EFCAB11: variants seen among roughly 807,000 people sequenced by gnomAD.
The protein encoded by EFCAB11 is EF-hand calcium-binding domain-containing protein 11.
A neutral mutation model predicts 23.0 loss-of-function variants in EFCAB11; 14 were observed. The ratio of observed to expected loss-of-function variants is 0.61; its 90% CI spans 0.40 to 0.95. EFCAB11 has a LOEUF of 0.95. EFCAB11 is among the 40% of genes least tolerant of loss of function. The pLI is 0.00. For missense variants in EFCAB11, 198 were observed against 195.8 expected (o/e 1.01, Z -0.07); for synonymous variants, 65 against 66.6 (o/e 0.98, Z 0.11).
chr14:89,917,119 A>C (rs990556450), intron 5 of EFCAB11, among the ~76,000 whole-genome samples: 18 of 149,110 alleles, frequency 1.2e-4, no homozygotes, highest in Admixed American at 1.1e-3. Context: ...GAAAACACTT[A>C]AGATCTGCTC....
intron 5 of EFCAB11, among the ~76,000 whole-genome samples, chr14:89,886,553 A>T (rs1888790338): frequency 6.9e-6 from 1 of 144,828 alleles, no homozygotes; most frequent in Non-Finnish European, 1.5e-5. Flanking sequence ...AAGGAAAGTG[A>T]TCTGCTTTAC....
At chr14:89,896,770 A>G (rs1203029662) in intron 5 of EFCAB11, among the ~76,000 whole-genome samples, 1 of 152,176 alleles carries the variant, frequency 6.6e-6, no homozygotes, top group Admixed American at 6.5e-5. Context: ...AGCTCACTGA[A>G]GCCTCAAACT....
intron 3 of EFCAB11, among the ~76,000 whole-genome samples, chr14:89,944,437 A>G (rs944278018): frequency 6.6e-6 from 1 of 152,244 alleles, no homozygotes; most frequent in Non-Finnish European, 1.5e-5. Flanking sequence ...CAGCCAATCC[A>G]TATCAGTAAC....
intron 5 of EFCAB11, among the ~76,000 whole-genome samples, chr14:89,912,162 A>C (rs1229939008): frequency 6.6e-6 from 1 of 152,212 alleles, no homozygotes; most frequent in East Asian, 1.9e-4. Flanking sequence ...TAGACTATGA[A>C]CTATGTGGGT....
Position 89,850,322 on chromosome 14 carries a change from T to C in EFCAB11, c.411-52998A>G, listed in dbSNP as rs542135703. On this transcript the variant is annotated intron_variant, in intron 5 of 5. Transcript: ENST00000316738. Reference sequence around the variant, plus strand: ...TCCTACCTGCCTTACAGACACCATGTGTCTTCCTTACCTTGGCATTCCGAA... The same window carrying C: ...TCCTACCTGCCTTACAGACACCATGCGTCTTCCTTACCTTGGCATTCCGAA... 1.6e-4 allele frequency among the ~76,000 whole-genome samples: 24 copies of C among 152,372 alleles called. No homozygotes were observed. In the South Asian group the frequency reaches 4.1e-3, roughly 26 times the overall value.
rs1885533520 is a variant in EFCAB11 at position 89,795,093 on chromosome 14, T to TGGGACTA, written c.*2149_*2150insTAGTCCC. On this transcript the variant is annotated 3_prime_UTR_variant, in exon 6 of 6. Coordinates refer to ENST00000316738, the MANE Select transcript of EFCAB11 (RefSeq NM_145231.4). ...CCCAGGTTCATGCTATTCTCCTGCC[T>TGGGACTA]CAGCCTCCCGAGCAGCTGGGACTAC... 1.4e-5 allele frequency: 2 copies of TGGGACTA among 147,134 alleles called. No individual in the cohort carries two copies. Among genetic ancestry groups the TGGGACTA allele is most frequent in the Admixed American group, 1.4e-4 (2 of 14,386 alleles). 9.1% of individuals were successfully genotyped at this position (147,134 alleles called of 1,614,324 possible).
intron 5 of EFCAB11, among the ~76,000 whole-genome samples, chr14:89,825,719 TTC>T (rs1351123501): frequency 6.6e-6 from 1 of 152,120 alleles, no homozygotes; most frequent in African/African-American, 2.4e-5. Context: ...GATGAAAATA[TTC>T]TTTTACATTT....
intron 5 of EFCAB11, among the ~76,000 whole-genome samples, chr14:89,886,489 G>A (rs1436743426): frequency 2.5e-5 from 3 of 121,030 alleles, no homozygotes; most frequent in Non-Finnish European, 4.7e-5. Context: ...CTGCACTCCA[G>A]CCTGAGCAAC....
chr14:89,841,264 C>T (rs752809431), intron 5 of EFCAB11, among the ~76,000 whole-genome samples: 5 of 152,052 alleles, frequency 3.3e-5, no homozygotes, highest in African/African-American at 9.7e-5. Flanking sequence ...ATCCTTTCAC[C>T]GCCTGACTCT....
chr14:89,817,567 A>G (rs934345357), intron 5 of EFCAB11, among the ~76,000 whole-genome samples: 5 of 152,166 alleles, frequency 3.3e-5, no homozygotes, highest in Non-Finnish European at 7.3e-5. Context: ...TTTATACCAT[A>G]AAACAGAATA....
Position 89,906,217 on chromosome 14 carries a change from AAATT to A in EFCAB11, c.410+25320_410+25323del, listed in dbSNP as rs527834276. 5.0e-4 allele frequency among the ~76,000 whole-genome samples: 74 copies of A among 147,408 alleles called. No homozygotes were observed. The South Asian group carries it at 0.014, about 28-fold the overall frequency. ...TAAATAAATAAATAAATAAATAAAT[AAATT>A]AAAGGTAACTTTCCCCATCATCATC... On this transcript the variant is annotated intron_variant, in intron 5 of 5. Transcript: ENST00000316738.
intron 5 of EFCAB11, among the ~76,000 whole-genome samples, chr14:89,832,370 T>G (rs11159934): frequency 0.15 from 22,594 of 152,034 alleles, 2,269 homozygotes; most frequent in East Asian, 0.51. Flanking sequence ...TCTGGCCATG[T>G]TTTTGCTTGG....
chr14:89,906,296 C>G (rs989784652), intron 5 of EFCAB11, among the ~76,000 whole-genome samples: 13 of 152,126 alleles, frequency 8.5e-5, no homozygotes, highest in African/African-American at 3.1e-4. Flanking sequence ...TCTGTCACAT[C>G]AATTCATGAT....
chr14:89,813,695 C>A (rs181681693), intron 5 of EFCAB11, among the ~76,000 whole-genome samples: 1 of 150,466 alleles, frequency 6.6e-6, no homozygotes, highest in African/African-American at 2.4e-5. Context: ...GCTCAGCACA[C>A]AACCACTTCT....
intron 5 of EFCAB11, among the ~76,000 whole-genome samples, chr14:89,891,230 T>G (rs1169794633): frequency 6.6e-6 from 1 of 152,158 alleles, no homozygotes; most frequent in Non-Finnish European, 1.5e-5. Flanking sequence ...CAAACAAGTT[T>G]ACAGGGAAAC....
At chr14:89,914,388 T>C (rs567659161) in intron 5 of EFCAB11, among the ~76,000 whole-genome samples, 12 of 152,330 alleles carry the variant, frequency 7.9e-5, no homozygotes, top group African/African-American at 2.9e-4. Context: ...ACATCCGTTA[T>C]CTCAGGTGAT....
intron 5 of EFCAB11, among the ~76,000 whole-genome samples, chr14:89,814,436 G>A (rs932857114): frequency 3.3e-5 from 5 of 152,104 alleles, no homozygotes; most frequent in Admixed American, 6.5e-5. Flanking sequence ...CGGGAGCAGT[G>A]GCTCATGCCT....
intron 5 of EFCAB11, among the ~76,000 whole-genome samples, chr14:89,806,988 G>C (rs1396721248): frequency 6.6e-6 from 1 of 152,016 alleles, no homozygotes; most frequent in East Asian, 1.9e-4. Flanking sequence ...TAAATATAAA[G>C]AAAAAAGATC....
intron 5 of EFCAB11, among the ~76,000 whole-genome samples, chr14:89,825,044 C>T (rs756963841): frequency 3.5e-5 from 5 of 142,036 alleles, no homozygotes; most frequent in Non-Finnish European, 7.5e-5. Flanking sequence ...CTGACACCTA[C>T]AGGATATTCA....
Sources: gnomAD v4.1 joint callset for allele counts (sites outside exome capture counted in the v4.1 genomes callset) on GRCh38, gnomAD v4.1.1 for gene constraint, MANE v1.5 for transcripts, NCBI Gene and HGNC (gene_info 2026-07-23, HGNC 2026-07-21) for gene names.